The following KCNQ4 variants were observed in gnomAD, a reference collection of about 807,000 sequenced individuals.
KCNQ4 encodes the protein potassium voltage-gated channel subfamily Q member 4.
KCNQ4 carries 31 observed loss-of-function variants against 72.6 expected under a neutral mutation model. The observed-to-expected ratio is 0.43, with a 90% confidence interval of 0.32 to 0.58. The LOEUF (loss-of-function observed/expected upper bound fraction) is 0.58. Ranked by LOEUF, KCNQ4 falls within the 20% of genes least tolerant of loss-of-function variation. The pLI, the probability that KCNQ4 is intolerant of heterozygous loss-of-function variation, is 0.08. For missense variants in KCNQ4, 869 were observed against 962.6 expected (o/e 0.90, Z 1.29); for synonymous variants, 405 against 403.7 (o/e 1.00, Z -0.04).
Position 40,784,496 on chromosome 1 carries a change from A to T in KCNQ4, c.314+89A>T. 1 of 1,310,656 alleles carries T rather than the reference A, an allele frequency of 7.6e-7. No homozygotes were observed. The highest frequency in any genetic ancestry group is 2.4e-5 in the East Asian group (1 of 42,298). The allele number at this position is 1,310,656 out of a possible 1,614,324, so 81.2% of individuals were successfully genotyped here. The stretch of plus-strand genomic sequence containing the variant: ...CCGCCCCGCCCTGGCTCCGCCTTCT[A>T]CCCCCCTGCCTCAGGGCCGACCCTC... On this transcript the variant is annotated intron_variant, in intron 1 of 13. Coordinates refer to ENST00000347132, the MANE Select transcript of KCNQ4 (RefSeq NM_004700.4). The surrounding 1 kb of genome is among the most constrained non-coding windows in gnomAD (Gnocchi z 4.1).
At chr1:40,791,594 G>C (rs1028438420) in intron 1 of KCNQ4, among the ~76,000 whole-genome samples, 2 of 152,206 alleles carry the variant, frequency 1.3e-5, no homozygotes, top group Admixed American at 1.3e-4. Context: ...GAATCCGTGG[G>C]CAGCGCCTGA....
At chr1:40,795,996 T>C (rs1647398433) in intron 1 of KCNQ4, among the ~76,000 whole-genome samples, 1 of 152,174 alleles carries the variant, frequency 6.6e-6, no homozygotes, top group South Asian at 2.1e-4. Context: ...AAGATGACAC[T>C]GAAGCTTAAA....
chr1:40,802,194 C>T (rs1405393874), intron 1 of KCNQ4, among the ~76,000 whole-genome samples: 1 of 152,174 alleles, frequency 6.6e-6, no homozygotes, highest in Non-Finnish European at 1.5e-5. Context: ...TGAGGTCACA[C>T]GTGAAACTAC....
At chr1:40,819,571 G>A (rs921842031) in intron 5 of KCNQ4, 99 bp downstream of exon 5, 1 of 1,510,190 alleles carries the variant, frequency 6.6e-7, no homozygotes. Context: ...GGGTTGAGCG[G>A]GCCTGCCCCT....
intron 1 of KCNQ4, among the ~76,000 whole-genome samples, chr1:40,807,855 G>C (rs1050824714): frequency 6.6e-6 from 1 of 152,192 alleles, no homozygotes; most frequent in Non-Finnish European, 1.5e-5. Context: ...TGGTCTAGGG[G>C]GCAAGGAAAG....
intron 8 of KCNQ4, 76 bp downstream of exon 8, chr1:40,822,478 C>A: frequency 8.1e-7 from 1 of 1,239,826 alleles, no homozygotes; most frequent in Non-Finnish European, 1.1e-6. Flanking sequence ...TGAGACTCAA[C>A]CCTGGAGGGT....
intron 1 of KCNQ4, among the ~76,000 whole-genome samples, chr1:40,798,340 C>G (rs4660461): frequency 6.6e-6 from 1 of 151,978 alleles, no homozygotes; most frequent in African/African-American, 2.4e-5. Flanking sequence ...CTTGGGCAGA[C>G]GTTTTTCACA....
intron 8 of KCNQ4, 28 bp downstream of exon 8, chr1:40,822,430 T>A: frequency 1.3e-5 from 2 of 153,744 alleles, no homozygotes; most frequent in Non-Finnish European, 1.3e-5. Flanking sequence ...TGGGGGTGGG[T>A]GGGGGGCTGG....
chr1:40,805,636 A>G (rs200011103), intron 1 of KCNQ4, among the ~76,000 whole-genome samples: 184 of 56,802 alleles, frequency 3.2e-3, no homozygotes, highest in African/African-American at 9.4e-3. Flanking sequence ...AAAGGTGGGG[A>G]GGGGAAAAGA....
Position 40,788,025 on chromosome 1 carries a change from G to T in KCNQ4, c.314+3618G>T, listed in dbSNP as rs1357025954. ...TAAACATCCTCCCTCAGCCTTGTCCGTGGGGTCAGAAGCTGTGGGAATGGG... is the reference window on the plus strand; with the variant it reads ...TAAACATCCTCCCTCAGCCTTGTCCTTGGGGTCAGAAGCTGTGGGAATGGG... On this transcript the variant is annotated intron_variant, in intron 1 of 13. Coordinates refer to ENST00000347132, the MANE Select transcript of KCNQ4 (RefSeq NM_004700.4). The surrounding 1 kb of genome is among the most constrained non-coding windows in gnomAD (Gnocchi z 4.5). Among the ~76,000 whole-genome samples the T allele has an allele frequency of 6.6e-6, 1 of 152,126 alleles. No homozygotes were observed. Among genetic ancestry groups the T allele is most frequent in the Non-Finnish European group, 1.5e-5 (1 of 68,032 alleles).
chr1:40,795,868 T>A (rs1244675592), intron 1 of KCNQ4, among the ~76,000 whole-genome samples: 1 of 152,200 alleles, frequency 6.6e-6, no homozygotes, highest in Non-Finnish European at 1.5e-5. Flanking sequence ...TGTCACTGAG[T>A]AATAAGATTC....
chr1:40,819,783 C>T, intron 5 of KCNQ4, 92 bp from the exon 6 acceptor site: 2 of 1,077,596 alleles, frequency 1.9e-6, no homozygotes, highest in South Asian at 2.5e-5. Context: ...GGGCCCCTTC[C>T]CTCATGATCA....
intron 8 of KCNQ4, among the ~76,000 whole-genome samples, chr1:40,823,507 GCAT>G (rs1648371234): frequency 6.6e-6 from 1 of 152,180 alleles, no homozygotes; most frequent in Admixed American, 6.5e-5. Flanking sequence ...GATCCACTGG[GCAT>G]CTGCTCCCTG....
At chr1:40,796,657 C>T (rs1315042598) in intron 1 of KCNQ4, among the ~76,000 whole-genome samples, 1 of 152,194 alleles carries the variant, frequency 6.6e-6, no homozygotes, top group African/African-American at 2.4e-5. Flanking sequence ...TGGCTCACGC[C>T]TGTAATCCCA....
intron 7 of KCNQ4, among the ~76,000 whole-genome samples, chr1:40,821,480 G>A (rs1028058477): frequency 1.3e-4 from 20 of 149,910 alleles, no homozygotes; most frequent in South Asian, 4.3e-4. Context: ...CTCTTCCTAC[G>A]TGGAGGGAGA....
At chr1:40,806,237 C>A (rs1339537893) in intron 1 of KCNQ4, among the ~76,000 whole-genome samples, 1 of 152,214 alleles carries the variant, frequency 6.6e-6, no homozygotes, top group African/African-American at 2.4e-5. Context: ...TTTCCACTAG[C>A]CATCTTGCTT....
At chr1:40,814,817 G>A (rs1200970213) in intron 1 of KCNQ4, among the ~76,000 whole-genome samples, 1 of 152,228 alleles carries the variant, frequency 6.6e-6, no homozygotes, top group African/African-American at 2.4e-5. Flanking sequence ...CTCTGGGTAC[G>A]TGTGTAAAAA....
intron 12 of KCNQ4, 85 bp downstream of exon 12, chr1:40,835,183 A>C (rs1039524362): frequency 1.2e-5 from 18 of 1,526,266 alleles, no homozygotes; most frequent in Admixed American, 9.0e-5. Flanking sequence ...ACCCCCGAGC[A>C]CCCCCAAGGG....
At chr1:40,800,885 T>C (rs1322906382) in intron 1 of KCNQ4, among the ~76,000 whole-genome samples, 1 of 152,108 alleles carries the variant, frequency 6.6e-6, no homozygotes, top group African/African-American at 2.4e-5. Context: ...AAGCCGATCA[T>C]GGATGGATGA....
Sources: allele counts gnomAD v4.1 joint callset (sites outside exome capture counted in the v4.1 genomes callset), GRCh38; gene constraint gnomAD v4.1.1; non-coding constraint Gnocchi (gnomAD v3.1); transcripts MANE v1.5; gene names NCBI Gene and HGNC (gene_info 2026-07-23, HGNC 2026-07-21).